The following TNFAIP8 variants were observed in gnomAD, a reference collection of about 807,000 sequenced individuals.
TNFAIP8 encodes TNF alpha induced protein 8.
Under a neutral mutation model 13.3 loss-of-function variants are expected in TNFAIP8, and 7 were observed. The observed-to-expected ratio is 0.52, with a 90% confidence interval of 0.30 to 0.99. TNFAIP8 has a LOEUF of 0.99. Ranked by LOEUF, TNFAIP8 falls within the 50% of genes least tolerant of loss-of-function variation. TNFAIP8 has a pLI of 0.07. For missense variants in TNFAIP8, 258 were observed against 236.9 expected (o/e 1.09, Z -0.58); for synonymous variants, 94 against 87.6 (o/e 1.07, Z -0.41).
At chr5:119,339,457 G>GTTT (rs397884992) in intron 1 of TNFAIP8, among the ~76,000 whole-genome samples, 5 of 116,192 alleles carry the variant, frequency 4.3e-5, no homozygotes, top group South Asian at 2.9e-4. Context: ...CTCTTGTGGT[G>GTTT]TTTTTTTTTT....
chr5:119,276,270 A>C (rs550371379), intron 1 of TNFAIP8, among the ~76,000 whole-genome samples: 1 of 152,102 alleles, frequency 6.6e-6, no homozygotes, highest in African/African-American at 2.4e-5. Flanking sequence ...GGCAAACACC[A>C]CCACATCTGG....
intron 1 of TNFAIP8, among the ~76,000 whole-genome samples, chr5:119,365,084 T>C (rs1751796242): frequency 6.6e-6 from 1 of 152,052 alleles, no homozygotes. Context: ...ACTCCTGACC[T>C]CAGGTGATCC....
At chr5:119,355,493 C>A (rs1751356035), upstream of TNFAIP8, 5 of 602,488 alleles carry the variant, frequency 8.3e-6, no homozygotes, top group Non-Finnish European at 9.0e-6. Context: ...TGGACGATAT[C>A]CATGCGACTT....
intron 1 of TNFAIP8, among the ~76,000 whole-genome samples, chr5:119,375,693 ATTTGTC>A (rs1459587191): frequency 2.0e-5 from 3 of 152,180 alleles, no homozygotes; most frequent in African/African-American, 4.8e-5. Context: ...TAATAAAACA[ATTTGTC>A]TTTGTAACTT....
intron 1 of TNFAIP8, among the ~76,000 whole-genome samples, chr5:119,380,483 C>T (rs1464385162): frequency 6.6e-6 from 1 of 152,148 alleles, no homozygotes; most frequent in African/African-American, 2.4e-5. Flanking sequence ...AATCACGGAG[C>T]TGTTGAGAGG....
intron 1 of TNFAIP8, among the ~76,000 whole-genome samples, chr5:119,349,647 G>C (rs1751044464): frequency 6.6e-6 from 1 of 152,138 alleles, no homozygotes; most frequent in African/African-American, 2.4e-5. Flanking sequence ...GGTCCTTACT[G>C]AACTTTTGAT....
chr5:119,363,442 T>C (rs1249012001), intron 1 of TNFAIP8, among the ~76,000 whole-genome samples: 1 of 152,200 alleles, frequency 6.6e-6, no homozygotes, highest in African/African-American at 2.4e-5. Context: ...CTGCATGCTT[T>C]CCAAGTCCTA....
chr5:119,381,553 A>T (rs1053820741), intron 1 of TNFAIP8, among the ~76,000 whole-genome samples: 4 of 152,116 alleles, frequency 2.6e-5, no homozygotes, highest in South Asian at 4.1e-4. Flanking sequence ...AATAAAAAAT[A>T]AAAATTAAAA....
chr5:119,293,500 C>T (rs548283542), intron 1 of TNFAIP8, among the ~76,000 whole-genome samples: 2 of 152,282 alleles, frequency 1.3e-5, no homozygotes, highest in South Asian at 4.1e-4. Context: ...CCAGGTTCAT[C>T]CATGTTGTCA....
upstream of TNFAIP8, among the ~76,000 whole-genome samples, chr5:119,351,772 TCTTTC>T (rs1751157580): frequency 2.0e-5 from 3 of 150,882 alleles, no homozygotes; most frequent in South Asian, 6.2e-4. Context: ...CTTTTTCTTT[TCTTTC>T]TTTTCTTTTT....
intron 1 of TNFAIP8, among the ~76,000 whole-genome samples, chr5:119,380,731 A>G (rs1342059652): frequency 6.6e-6 from 1 of 152,238 alleles, no homozygotes; most frequent in Non-Finnish European, 1.5e-5. Context: ...TTTCAAAGCC[A>G]TTTTGTAGCC....
At chr5:119,344,081 G>A (rs1366265034) in intron 1 of TNFAIP8, among the ~76,000 whole-genome samples, 9 of 152,166 alleles carry the variant, frequency 5.9e-5, no homozygotes, top group African/African-American at 9.7e-5. Context: ...ACTTCAGCTG[G>A]TGTATTAGTC....
At chr5:119,389,401 G>A (rs1435854093) in intron 1 of TNFAIP8, among the ~76,000 whole-genome samples, 1 of 126,922 alleles carries the variant, frequency 7.9e-6, no homozygotes, top group Non-Finnish European at 1.8e-5. Context: ...GGCAGTGGAT[G>A]AGATCACACA....
intron 1 of TNFAIP8, among the ~76,000 whole-genome samples, chr5:119,320,600 A>G (rs558530039): frequency 2.0e-5 from 3 of 152,160 alleles, no homozygotes; most frequent in African/African-American, 7.2e-5. Flanking sequence ...AACAAATCCC[A>G]TGGCCTGTTC....
intron 1 of TNFAIP8, among the ~76,000 whole-genome samples, chr5:119,348,197 A>G (rs1450411361): frequency 6.6e-6 from 1 of 152,226 alleles, no homozygotes; most frequent in African/African-American, 2.4e-5. Flanking sequence ...AATGCTCACG[A>G]TAATCAATAG....
At chr5:119,297,920 G>T (rs1400043443) in intron 1 of TNFAIP8, among the ~76,000 whole-genome samples, 16 of 152,226 alleles carry the variant, frequency 1.1e-4, no homozygotes, top group Middle Eastern at 3.4e-3. Context: ...CAGAGACTAG[G>T]ATTGCAACCC....
chr5:119,301,234 A>T (rs558542324), intron 1 of TNFAIP8, among the ~76,000 whole-genome samples: 2 of 152,094 alleles, frequency 1.3e-5, no homozygotes, highest in Admixed American at 6.6e-5. Flanking sequence ...GTCTTCCTTC[A>T]TGCTGTTTTT....
At chr5:119,294,661 C>G (rs982198554) in intron 1 of TNFAIP8, among the ~76,000 whole-genome samples, 6 of 152,152 alleles carry the variant, frequency 3.9e-5, no homozygotes, top group Admixed American at 3.9e-4. Context: ...GTCCCACCAA[C>G]AGTGGGACTC....
chr5:119,304,292 A>C (rs1022123089), intron 1 of TNFAIP8, among the ~76,000 whole-genome samples: 1 of 151,948 alleles, frequency 6.6e-6, no homozygotes, highest in African/African-American at 2.4e-5. Context: ...TGAAATTCTT[A>C]AAAGTGCTCC....
Sources: gnomAD v4.1 joint callset for allele counts (sites outside exome capture counted in the v4.1 genomes callset) on GRCh38, gnomAD v4.1.1 for gene constraint, MANE v1.5 for transcripts, NCBI Gene and HGNC (gene_info 2026-07-23, HGNC 2026-07-21) for gene names.